The following CNOT6L variants were observed in gnomAD, a reference collection of about 807,000 sequenced individuals.
CNOT6L encodes the protein CCR4-NOT transcription complex subunit 6 like, also known as CCR4-NOT transcription complex subunit 6-like.
CNOT6L carries 7 observed loss-of-function variants against 64.0 expected under a neutral mutation model. The ratio of observed to expected loss-of-function variants is 0.11; its 90% confidence interval spans 0.06 to 0.21. The LOEUF (loss-of-function observed/expected upper bound fraction) is 0.21, where lower values mean the gene tolerates loss of function less well. Among genes scored for constraint, CNOT6L ranks in the 10% least tolerant of loss-of-function variants. The pLI is 1.00. For missense variants in CNOT6L, 245 were observed against 669.0 expected (o/e 0.37, Z 6.99); for synonymous variants, 193 against 243.4 (o/e 0.79, Z 1.93).
intron 1 of CNOT6L, among the ~76,000 whole-genome samples, chr4:77,816,774 C>G (rs1300455710): frequency 6.6e-6 from 1 of 152,072 alleles, no homozygotes; most frequent in African/African-American, 2.4e-5. Context: ...CAATCAAACT[C>G]CCACATTCTC....
intron 1 of CNOT6L, among the ~76,000 whole-genome samples, chr4:77,780,218 G>A (rs1384584446): frequency 1.3e-5 from 2 of 152,182 alleles, no homozygotes; most frequent in African/African-American, 4.8e-5. Flanking sequence ...TAAATACTGA[G>A]TGATTAACAT....
At chr4:77,742,883 A>T (rs377720808) in intron 7 of CNOT6L, among the ~76,000 whole-genome samples, 2 of 152,144 alleles carry the variant, frequency 1.3e-5, no homozygotes, top group East Asian at 1.9e-4. Context: ...GGTCTTTCTA[A>T]ATGAAATAAA....
chr4:77,800,443 G>T lies in CNOT6L; in HGVS notation c.5+18861C>A, dbSNP rs1463249463. The stretch of plus-strand genomic sequence containing the variant: ...AGATAGGAGGATTACTTGAGCCCAG[G>T]AGGTCAATGAGCTTATAATTACACC... On this transcript the variant is annotated intron_variant, in intron 1 of 11. Transcript: ENST00000504123. Among the ~76,000 whole-genome samples, 3 of 151,862 alleles carry T rather than the reference G, an allele frequency of 2.0e-5. 1 individual carries two copies. Among genetic ancestry groups the T allele is most frequent in the Admixed American group, 1.3e-4 (2 of 15,232 alleles).
In CNOT6L at chr4:77,717,077, A is replaced by G. The variant is rs897330270; in HGVS notation, c.*3354T>C. 3.9e-5 allele frequency: 6 copies of G among 152,568 alleles called. No homozygotes were observed. The highest frequency in any genetic ancestry group is 1.9e-4 in the East Asian group (1 of 5,202). 9.5% of individuals were successfully genotyped at this position (152,568 alleles called of 1,614,324 possible). A position where few individuals can be genotyped will look rare whatever the true frequency, so the allele number is the denominator to read the frequency against. ...ATCATAAATCTGGAACAGATTTACT[A>G]TATCTGAATTCTAAAAAGTTGCCTA... On this transcript the variant is annotated 3_prime_UTR_variant, in exon 12 of 12. Coordinates refer to ENST00000504123, the MANE Select transcript of CNOT6L (RefSeq NM_144571.3).
chr4:77,773,192 AGTTT>A, intron 3 of CNOT6L, 26 bp from the exon 4 acceptor site: 6 of 1,325,000 alleles, frequency 4.5e-6, no homozygotes, highest in Non-Finnish European at 5.2e-6. Context: ...AAAAAAAATT[AGTTT>A]AATATACTAA....
At chr4:77,790,631 T>C (rs1730021215) in intron 1 of CNOT6L, among the ~76,000 whole-genome samples, 1 of 152,128 alleles carries the variant, frequency 6.6e-6, no homozygotes, top group East Asian at 1.9e-4. Flanking sequence ...CATTGTTGTT[T>C]ACAAAGGATT....
intron 10 of CNOT6L, among the ~76,000 whole-genome samples, chr4:77,727,730 C>G (rs1407048548): frequency 6.6e-6 from 1 of 152,060 alleles, no homozygotes; most frequent in African/African-American, 2.4e-5. Context: ...TTTAACAAAT[C>G]AAATACAATG....
In CNOT6L at chr4:77,797,102, C is replaced by CAAAAAAAA. The variant is rs386400560; in HGVS notation, c.6-20718_6-20711dup. On this transcript the variant is annotated intron_variant, in intron 1 of 11. Coordinates refer to ENST00000504123, the MANE Select transcript of CNOT6L (RefSeq NM_144571.3). ...AGCCTGACAGAGGAAGACCTTGTCT[C>CAAAAAAAA]AAAAAAAAAAAAAAAAAAAAAAAAC... is the stretch of plus-strand genomic sequence containing the variant. Among the ~76,000 whole-genome samples, 31 of 52,942 alleles carry CAAAAAAAA rather than the reference C, an allele frequency of 5.9e-4. 5 individuals carry two copies. Among genetic ancestry groups the CAAAAAAAA allele is most frequent in the Non-Finnish European group, 7.8e-4 (25 of 32,072 alleles). 34.7% of individuals were successfully genotyped at this position (52,942 alleles called of 152,430 possible).
intron 1 of CNOT6L, among the ~76,000 whole-genome samples, chr4:77,817,327 A>G (rs1733692026): frequency 6.6e-6 from 1 of 152,154 alleles, no homozygotes; most frequent in Non-Finnish European, 1.5e-5. Flanking sequence ...TTATATATAT[A>G]CCTTTTGTAT....
At chr4:77,785,951 A>G (rs1729389073) in intron 1 of CNOT6L, among the ~76,000 whole-genome samples, 1 of 152,160 alleles carries the variant, frequency 6.6e-6, no homozygotes, top group South Asian at 2.1e-4. Flanking sequence ...GGGACAGACA[A>G]AGCGAAAATA....
At chr4:77,754,913 A>AAAAAAAAAAAAAAAAAAAAAAAAAAC (rs397994114) in intron 5 of CNOT6L, among the ~76,000 whole-genome samples, 1 of 143,680 alleles carries the variant, frequency 7.0e-6, no homozygotes. Context: ...AAAAAAAAAA[A>AAAAAAAAAAAAAAAAAAAAAAAAAAC]CCGGTTTCTA....
At chr4:77,791,281 AATC>A (rs1055470303) in intron 1 of CNOT6L, among the ~76,000 whole-genome samples, 16 of 152,204 alleles carry the variant, frequency 1.1e-4, no homozygotes, top group Non-Finnish European at 1.6e-4. Flanking sequence ...GTCTCCAAAT[AATC>A]ATCATCATCA....
chr4:77,723,097 C>CT (rs1376941633), intron 11 of CNOT6L, among the ~76,000 whole-genome samples: 1 of 151,800 alleles, frequency 6.6e-6, no homozygotes, highest in Non-Finnish European at 1.5e-5. Context: ...GCTGCCCTTC[C>CT]TTTTTTTTAT....
intron 1 of CNOT6L, among the ~76,000 whole-genome samples, chr4:77,805,839 G>A (rs1379018576): frequency 6.6e-6 from 1 of 152,164 alleles, no homozygotes; most frequent in Non-Finnish European, 1.5e-5. Flanking sequence ...GCAACAGGAA[G>A]GGAAACCAAT....
intron 1 of CNOT6L, among the ~76,000 whole-genome samples, chr4:77,795,207 C>T (rs548473140): frequency 6.6e-6 from 1 of 151,914 alleles, no homozygotes; most frequent in African/African-American, 2.4e-5. Context: ...TTAGTAGAGA[C>T]GGGGTTTCTC....
chr4:77,724,391 C>G (rs936383002), intron 11 of CNOT6L, among the ~76,000 whole-genome samples: 8 of 151,188 alleles, frequency 5.3e-5, no homozygotes, highest in Non-Finnish European at 7.4e-5. Context: ...GTAATCCCAG[C>G]ACTTTGGGAG....
intron 8 of CNOT6L, among the ~76,000 whole-genome samples, chr4:77,740,112 G>C (rs28595543): frequency 5.3e-4 from 80 of 152,200 alleles, no homozygotes; most frequent in African/African-American, 1.8e-3. Flanking sequence ...GCTTACGTCT[G>C]TAATCCCAGC....
intron 1 of CNOT6L, among the ~76,000 whole-genome samples, chr4:77,802,057 G>A (rs1731647229): frequency 1.3e-5 from 2 of 152,116 alleles, no homozygotes; most frequent in African/African-American, 4.8e-5. Flanking sequence ...TTTTAATTTA[G>A]TGAAGAATAT....
At chr4:77,740,025 GC>G (rs1460579275) in intron 8 of CNOT6L, among the ~76,000 whole-genome samples, 1 of 55,564 alleles carries the variant, frequency 1.8e-5, no homozygotes, top group Non-Finnish European at 5.5e-5. Context: ...GTTTACTGGT[GC>G]ATTTTTTTTT....
Sources: allele counts gnomAD v4.1 joint callset (sites outside exome capture counted in the v4.1 genomes callset), GRCh38; gene constraint gnomAD v4.1.1; transcripts MANE v1.5; gene names NCBI Gene and HGNC (gene_info 2026-07-23, HGNC 2026-07-21).